NRG2: variants seen among roughly 807,000 people sequenced by gnomAD.
The protein encoded by NRG2 is pro-neuregulin-2, membrane-bound isoform.
Under a neutral mutation model 73.9 loss-of-function variants are expected in NRG2, and 27 were observed. The observed-to-expected ratio is 0.37, with a 90% CI of 0.27 to 0.50. NRG2 has a LOEUF of 0.50. Among genes scored for constraint, NRG2 ranks in the 20% least tolerant of loss-of-function variants. The pLI is 0.96. For synonymous variants in NRG2, 532 were observed against 541.0 expected (o/e 0.98, Z 0.23); for missense variants, 1,126 against 1,210.1 (o/e 0.93, Z 1.03).
Position 139,848,346 on chromosome 5 carries a change from G to C in NRG2, c.2124C>G (p.Pro708=), listed in dbSNP as rs554638565. The C allele has an allele frequency of 2.1e-5, 25 of 1,218,428 alleles. No individual in the cohort carries two copies. Among genetic ancestry groups the C allele is most frequent in the Admixed American group, 4.4e-5 (1 of 22,490 alleles). 75.5% of individuals were successfully genotyped at this position (1,218,428 alleles called of 1,614,324 possible). A position where few individuals can be genotyped will look rare whatever the true frequency, so the allele number is the denominator to read the frequency against. The change falls in exon 10 of 10, where the codon CCC becomes CCG. Residue 708 remains proline, a synonymous_variant. Coordinates refer to ENST00000361474, the MANE Select transcript of NRG2 (RefSeq NM_004883.3). The stretch of plus-strand genomic sequence containing the variant: ...GCGTGGTCTCGTACTCGTCGTCCTC[G>C]GGGATGCGGAAGGGGCTGGCAGGCA... ...GSLPASPFRI[P]EDDEYETTQE... is the part of the protein sequence containing the mutation.
chr5:139,857,044 A>G (rs1160910661), intron 5 of NRG2, among the ~76,000 whole-genome samples: 1 of 152,164 alleles, frequency 6.6e-6, no homozygotes, highest in Non-Finnish European at 1.5e-5. Flanking sequence ...TACCCTGGTT[A>G]CAGGCACCAA....
rs761857195 is a variant in NRG2, at chr5:139,848,499, T to G, written c.1971A>C (p.Gly657=). Residue 657 remains glycine (G), a synonymous_variant, in exon 10 of 10, where the codon GGA becomes GGC. Transcript: ENST00000361474. The part of the protein sequence containing the change: ...LLRHPAPPGP[G]PGPGPGPGPG... Reference sequence around the variant, plus strand: ...GCCCGGGCCCGGGCCCGGGTCCGGGTCCCGGGCCGGGGGGCGCCGGGTGCC... The same window carrying G: ...GCCCGGGCCCGGGCCCGGGTCCGGGGCCCGGGCCGGGGGGCGCCGGGTGCC... 4.2e-5 allele frequency: 57 copies of G among 1,349,506 alleles called. No individual in the cohort carries two copies. The highest frequency in any genetic ancestry group is 5.5e-5 in the South Asian group (3 of 54,996). The allele number at this position is 1,349,506 out of a possible 1,614,324, so 83.6% of individuals were successfully genotyped here.
chr5:139,914,182 T>C (rs553509046), intron 1 of NRG2, among the ~76,000 whole-genome samples: 18 of 152,116 alleles, frequency 1.2e-4, no homozygotes, highest in African/African-American at 4.1e-4. Context: ...AAAAATGACC[T>C]GGGGTGGTCT....
chr5:139,886,217 T>C (rs1237106928), intron 2 of NRG2, among the ~76,000 whole-genome samples: 1 of 152,176 alleles, frequency 6.6e-6, no homozygotes, highest in Admixed American at 6.5e-5. Flanking sequence ...CTGCTCCCCA[T>C]TCTTGGAAGG....
At chr5:139,849,465 A>G (rs1761261028) in intron 9 of NRG2, among the ~76,000 whole-genome samples, 1 of 152,102 alleles carries the variant, frequency 6.6e-6, no homozygotes, top group Non-Finnish European at 1.5e-5. Context: ...CTACAGACCC[A>G]TCCCCACACC....
intron 1 of NRG2, among the ~76,000 whole-genome samples, chr5:139,937,757 C>CA (rs1290167245): frequency 1.3e-5 from 2 of 151,930 alleles, no homozygotes; most frequent in African/African-American, 2.4e-5. Flanking sequence ...ATCAAAAATA[C>CA]AAAAAATCTA....
At chr5:139,987,518 C>G (rs958730933) in intron 1 of NRG2, among the ~76,000 whole-genome samples, 1 of 152,126 alleles carries the variant, frequency 6.6e-6, no homozygotes, top group African/African-American at 2.4e-5. Flanking sequence ...ACGATCCCAG[C>G]CAGAGACTGC....
chr5:139,957,164 GTTA>G (rs1464021987), intron 1 of NRG2, among the ~76,000 whole-genome samples: 43 of 152,248 alleles, frequency 2.8e-4, no homozygotes, highest in African/African-American at 1.0e-3. Context: ...ACCTCTCTTG[GTTA>G]CATAGCTTTG....
At chr5:139,969,297 T>C (rs1398281962) in intron 1 of NRG2, among the ~76,000 whole-genome samples, 2 of 152,248 alleles carry the variant, frequency 1.3e-5, no homozygotes, top group African/African-American at 4.8e-5. Context: ...TAAGAAATAA[T>C]AGCTATCTTG....
intron 1 of NRG2, among the ~76,000 whole-genome samples, chr5:139,939,266 C>T (rs59282531): frequency 0.093 from 12,300 of 132,482 alleles, 553 homozygotes; most frequent in South Asian, 0.15. Flanking sequence ...CTTTCTTTTT[C>T]TTTCTTTCTT....
chr5:140,042,826 C>T lies in NRG2; in HGVS notation c.244G>A (p.Ala82Thr), dbSNP rs780587282. The T allele has an allele frequency of 7.3e-5, 109 of 1,489,630 alleles. No individual in the cohort carries two copies. The highest frequency in any genetic ancestry group is 1.1e-4 in the Admixed American group (5 of 45,704). The allele number at this position is 1,489,630 out of a possible 1,614,324, so 92.3% of individuals were successfully genotyped here. A position where few individuals can be genotyped will look rare whatever the true frequency, so the allele number is the denominator to read the frequency against. The change falls in exon 1 of 10, where the codon GCC (alanine) becomes ACC (threonine). Residue 82 changes from alanine to threonine, a missense_variant. By Grantham distance (58) the Ala-to-Thr change is moderately conservative. Transcript: ENST00000361474. The stretch of plus-strand genomic sequence containing the variant: ...GCGGCTGCGGCTCGCGAACGGGCGG[C>T]GGCTCTCCGGGCTGCGGGGCTGCGG... Reference protein sequence around the residue: ...QPRSPAARRAAARSRAAAAGG... With the variant: ...QPRSPAARRATARSRAAAAGG...
chr5:139,949,303 A>G (rs1188901793), intron 1 of NRG2, among the ~76,000 whole-genome samples: 1 of 152,196 alleles, frequency 6.6e-6, no homozygotes, highest in African/African-American at 2.4e-5. Flanking sequence ...AAACTATGAT[A>G]TCACTATTTT....
chr5:140,013,838 T>C (rs780552798), intron 1 of NRG2, among the ~76,000 whole-genome samples: 1 of 152,224 alleles, frequency 6.6e-6, no homozygotes, highest in Non-Finnish European at 1.5e-5. Flanking sequence ...TCCCTTCTAA[T>C]TGGTGAACAT....
At chr5:139,972,499 C>A (rs371214793) in intron 1 of NRG2, among the ~76,000 whole-genome samples, 2 of 152,270 alleles carry the variant, frequency 1.3e-5, no homozygotes, top group Non-Finnish European at 2.9e-5. Flanking sequence ...CCGAGGTGGG[C>A]GGATCACTTG....
chr5:139,901,019 T>C (rs1375626406), intron 1 of NRG2, among the ~76,000 whole-genome samples: 1 of 152,230 alleles, frequency 6.6e-6, no homozygotes, highest in Non-Finnish European at 1.5e-5. Flanking sequence ...GCTCATACTC[T>C]TTTAAGGGGG....
intron 1 of NRG2, among the ~76,000 whole-genome samples, chr5:139,989,990 A>T (rs62383912): frequency 1.5e-4 from 22 of 148,328 alleles, no homozygotes; most frequent in East Asian, 9.7e-4. Flanking sequence ...GGGTTTCACC[A>T]TGTTAGCCAG....
At chr5:139,929,695 T>C (rs1327325367) in intron 1 of NRG2, among the ~76,000 whole-genome samples, 1 of 152,140 alleles carries the variant, frequency 6.6e-6, no homozygotes, top group Non-Finnish European at 1.5e-5. Flanking sequence ...TCTCAAATGT[T>C]TTTAACCACA....
In NRG2 at chr5:139,880,908, G is replaced by A. The variant is rs774819017; in HGVS notation, c.939C>T (p.Ala313=). 4.9e-5 allele frequency: 79 copies of A among 1,614,140 alleles called. No homozygotes were observed. Among genetic ancestry groups the A allele is most frequent in the Admixed American group, 1.5e-4 (9 of 60,010 alleles). The part of the protein sequence containing the change: ...VEDAGEYVCE[A]ENILGKDTVR... ...CGGTGTCCTTCCCCAGGATGTTCTC[G>A]GCCTCGCAGACATACTCCCCAGCGT... The change falls in exon 3 of 10, where the codon GCC becomes GCT. Residue 313 remains alanine, a synonymous_variant. Coordinates refer to ENST00000361474, the MANE Select transcript of NRG2 (RefSeq NM_004883.3).
intron 1 of NRG2, among the ~76,000 whole-genome samples, chr5:139,981,744 T>C (rs1215874275): frequency 1.3e-5 from 2 of 152,230 alleles, no homozygotes; most frequent in Non-Finnish European, 2.9e-5. Flanking sequence ...AAAAAGACTC[T>C]TGTCATGCTT....
Sources: gnomAD v4.1 joint callset for allele counts (sites outside exome capture counted in the v4.1 genomes callset) on GRCh38, gnomAD v4.1.1 for gene constraint, MANE v1.5 for transcripts, NCBI Gene and HGNC (gene_info 2026-07-23, HGNC 2026-07-21) for gene names.